The following MDGA2 variants were observed in gnomAD, a reference collection of about 807,000 sequenced individuals.
MDGA2 encodes MAM domain containing glycosylphosphatidylinositol anchor 2.
In MDGA2, 40 loss-of-function variants were observed where a neutral mutation model predicts 117.8. The observed-to-expected ratio is 0.34, with a 90% CI of 0.26 to 0.44. The LOEUF (loss-of-function observed/expected upper bound fraction) is 0.44. Ranked by LOEUF, MDGA2 falls within the 20% of genes least tolerant of loss-of-function variation. The probability of loss-of-function intolerance (pLI) is 1.00; values close to 1 mark genes in which losing one functional copy is unlikely to be tolerated. For synonymous variants in MDGA2, 452 were observed against 439.0 expected (o/e 1.03, Z -0.37); for missense variants, 1,123 against 1,250.6 (o/e 0.90, Z 1.54).
At chr14:47,203,199 A>G (rs1405488222) in intron 3 of MDGA2, among the ~76,000 whole-genome samples, 1 of 151,948 alleles carries the variant, frequency 6.6e-6, no homozygotes, top group Non-Finnish European at 1.5e-5. Flanking sequence ...ATTTGGCACT[A>G]GTTTCCCCAA....
At position 47,090,819 on chromosome 14, in the gene MDGA2, AAAGAG is replaced by A. The variant is rs376513714; in HGVS notation, c.1195+6030_1195+6034del. 1.0e-3 allele frequency among the ~76,000 whole-genome samples: 155 copies of A among 152,310 alleles called. 2 individuals are homozygous for A. Among genetic ancestry groups the A allele is most frequent in the African/African-American group, 3.5e-3 (147 of 41,584 alleles). On this transcript the variant is annotated intron_variant, in intron 6 of 16. Coordinates refer to ENST00000399232, the MANE Select transcript of MDGA2 (RefSeq NM_001113498.3). ...AAAGAGACAAGAATGAGAGAGAGAC[AAAGAG>A]AAGAGACAGACAGCCCTGAGGAGTC...
At chr14:47,282,022 C>T (rs1227780297) in intron 2 of MDGA2, among the ~76,000 whole-genome samples, 1 of 146,364 alleles carries the variant, frequency 6.8e-6, no homozygotes, top group Non-Finnish European at 1.5e-5. Flanking sequence ...CACTGAACTC[C>T]AGCCTGGGCT....
At chr14:47,439,456 C>T (rs1422683998) in intron 1 of MDGA2, among the ~76,000 whole-genome samples, 1 of 152,088 alleles carries the variant, frequency 6.6e-6, no homozygotes, top group Admixed American at 6.6e-5. Context: ...ATTCAAGAAA[C>T]ATTTGTAAAA....
chr14:47,633,367 C>G (rs1337601698), intron 1 of MDGA2, among the ~76,000 whole-genome samples: 1 of 152,086 alleles, frequency 6.6e-6, no homozygotes, highest in Non-Finnish European at 1.5e-5. Context: ...AAAGAACTCT[C>G]CAACTACACA....
At chr14:47,390,436 T>C (rs1473322681) in intron 1 of MDGA2, among the ~76,000 whole-genome samples, 1 of 152,090 alleles carries the variant, frequency 6.6e-6, no homozygotes, top group Non-Finnish European at 1.5e-5. Context: ...CAACCTTCCA[T>C]CGTAAAGATA....
At chr14:47,006,841 C>T (rs1566571160) in intron 8 of MDGA2, among the ~76,000 whole-genome samples, 1 of 151,576 alleles carries the variant, frequency 6.6e-6, no homozygotes, top group South Asian at 2.1e-4. Flanking sequence ...CTAGGTCTCT[C>T]ATTTTAGCTA....
intron 1 of MDGA2, among the ~76,000 whole-genome samples, chr14:47,473,542 C>A (rs962648578): frequency 6.6e-6 from 1 of 151,998 alleles, no homozygotes; most frequent in African/African-American, 2.4e-5. Context: ...ATATTAACCT[C>A]TTTTAAATGT....
At chr14:47,085,109 A>G (rs1890849891) in intron 6 of MDGA2, among the ~76,000 whole-genome samples, 1 of 152,182 alleles carries the variant, frequency 6.6e-6, no homozygotes, top group Non-Finnish European at 1.5e-5. Flanking sequence ...TTCAAACTGA[A>G]TAATAATAAA....
intron 1 of MDGA2, among the ~76,000 whole-genome samples, chr14:47,540,538 G>GTATATA (rs1462789428): frequency 2.7e-5 from 2 of 73,906 alleles, no homozygotes; most frequent in African/African-American, 7.9e-5. Context: ...GTGTGTGTGT[G>GTATATA]TGTATATATA....
intron 6 of MDGA2, among the ~76,000 whole-genome samples, chr14:47,080,076 T>C (rs946949929): frequency 6.6e-6 from 1 of 152,108 alleles, no homozygotes; most frequent in Non-Finnish European, 1.5e-5. Flanking sequence ...TTCAGTAAAA[T>C]AGAATGAGGA....
intron 5 of MDGA2, among the ~76,000 whole-genome samples, chr14:47,119,725 G>T: frequency 1.3e-5 from 2 of 152,266 alleles, no homozygotes; most frequent in South Asian, 4.1e-4. Context: ...ATTAAGAATA[G>T]AAAGAATTTA....
chr14:47,332,999 T>G (rs1181114354), intron 1 of MDGA2, among the ~76,000 whole-genome samples: 1 of 151,982 alleles, frequency 6.6e-6, no homozygotes, highest in Non-Finnish European at 1.5e-5. Context: ...TAAAGCTGAA[T>G]AGTATTCCAT....
intron 14 of MDGA2, among the ~76,000 whole-genome samples, chr14:46,858,717 G>C (rs1881386128): frequency 6.6e-6 from 1 of 152,070 alleles, no homozygotes; most frequent in African/African-American, 2.4e-5. Context: ...GTGAGCCACC[G>C]TGCCCGGCCT....
At chr14:47,645,662 A>T (rs1340163646) in intron 1 of MDGA2, among the ~76,000 whole-genome samples, 1 of 152,118 alleles carries the variant, frequency 6.6e-6, no homozygotes, top group East Asian at 1.9e-4. Flanking sequence ...CATTTTTTTA[A>T]GATTTCATAA....
At chr14:46,930,516 T>A (rs994741228) in intron 9 of MDGA2, among the ~76,000 whole-genome samples, 1 of 152,178 alleles carries the variant, frequency 6.6e-6, no homozygotes, top group African/African-American at 2.4e-5. Context: ...GAAGAAAACT[T>A]CAGCTAAAAT....
intron 1 of MDGA2, among the ~76,000 whole-genome samples, chr14:47,445,141 C>T (rs1457707854): frequency 2.6e-5 from 4 of 152,116 alleles, no homozygotes; most frequent in Admixed American, 6.6e-5. Context: ...ACAGAAAACA[C>T]TGATCCTGGT....
At chr14:47,085,441 A>C (rs2138914347) in intron 6 of MDGA2, among the ~76,000 whole-genome samples, 1 of 152,284 alleles carries the variant, frequency 6.6e-6, no homozygotes, top group South Asian at 2.1e-4. Flanking sequence ...ATATTGACAC[A>C]GATGATCAAT....
At chr14:47,259,923 C>T (rs982709985) in intron 2 of MDGA2, among the ~76,000 whole-genome samples, 5 of 151,970 alleles carry the variant, frequency 3.3e-5, no homozygotes, top group Admixed American at 1.3e-4. Flanking sequence ...TTTGACAAGA[C>T]GATCTAACAT....
intron 3 of MDGA2, among the ~76,000 whole-genome samples, chr14:47,177,309 C>T (rs1884503750): frequency 6.6e-6 from 1 of 151,998 alleles, no homozygotes; most frequent in East Asian, 1.9e-4. Flanking sequence ...GGGTATATAC[C>T]CAAAGGATTA....
Sources: allele counts gnomAD v4.1 joint callset (sites outside exome capture counted in the v4.1 genomes callset), GRCh38; gene constraint gnomAD v4.1.1; transcripts MANE v1.5; gene names NCBI Gene and HGNC (gene_info 2026-07-23, HGNC 2026-07-21).